Variants in RGPD1 observed in about 807,000 individuals in gnomAD.
RGPD1 encodes RANBP2 like and GRIP domain containing 1.
A neutral mutation model predicts 40.6 loss-of-function variants in RGPD1; 7 were observed. The ratio of observed to expected loss-of-function variants is 0.17; its 90% CI spans 0.10 to 0.32. The LOEUF is 0.32. Ranked by LOEUF, RGPD1 falls within the 10% of genes least tolerant of loss-of-function variation. The pLI is 1.00. For synonymous variants in RGPD1, 24 were observed against 167.0 expected (o/e 0.14, Z 6.60); for missense variants, 50 against 472.5 (o/e 0.11, Z 8.29).
rs1437208227 is a variant in RGPD1, at chr2:86,942,377, C to G, written c.72+69C>G. ...CGGCGGCCTCGACCTGGCCGGGCGG[C>G]GGCCTCGACCTGGCCGGGCGGCGGC... On this transcript the variant is annotated intron_variant, in intron 1 of 22. Coordinates refer to ENST00000641458, the MANE Select transcript of RGPD1 (RefSeq NM_001382344.1). The G allele has an allele frequency of 3.6e-6, 5 of 1,405,592 alleles. 1 individual carries two copies. The highest frequency in any genetic ancestry group is 1.3e-5 in the South Asian group (1 of 76,744). 87.1% of individuals were successfully genotyped at this position (1,405,592 alleles called of 1,614,324 possible). A position where few individuals can be genotyped will look rare whatever the true frequency, so the allele number is the denominator to read the frequency against.
At chr2:86,916,247 AGAAT>A (rs1677791060) in intron 1 of RGPD1, among the ~76,000 whole-genome samples, 1 of 152,290 alleles carries the variant, frequency 6.6e-6, no homozygotes, top group Non-Finnish European at 1.5e-5. Flanking sequence ...TACCAAAAAA[AGAAT>A]GGTGTAAATT....
At chr2:86,924,551 G>A (rs1425748198) in intron 1 of RGPD1, among the ~76,000 whole-genome samples, 5 of 150,272 alleles carry the variant, frequency 3.3e-5, no homozygotes, top group African/African-American at 1.2e-4. Flanking sequence ...CTGTAATCTC[G>A]AACTCATAGG....
At chr2:86,914,759 A>G (rs1255614122) in intron 1 of RGPD1, among the ~76,000 whole-genome samples, 2 of 14,070 alleles carry the variant, frequency 1.4e-4, no homozygotes, top group African/African-American at 8.5e-4. Context: ...GGCGGCCTCG[A>G]CCTGGCCGGG....
chr2:86,926,001 T>A (rs1326294773), intron 1 of RGPD1, among the ~76,000 whole-genome samples: 1 of 151,514 alleles, frequency 6.6e-6, no homozygotes, highest in African/African-American at 2.4e-5. Flanking sequence ...TATAAAATGT[T>A]ATTAATATAA....
At chr2:86,939,296 C>T (rs1414035559), upstream of RGPD1, among the ~76,000 whole-genome samples, 1 of 145,740 alleles carries the variant, frequency 6.9e-6, no homozygotes, top group Non-Finnish European at 1.5e-5. Context: ...TCTTTGGATG[C>T]TGGGCACGGT....
rs1340964505 is a variant in RGPD1 at position 86,947,611 on chromosome 2, T to C, written c.73-3685T>C. On this transcript the variant is annotated intron_variant, in intron 1 of 22. Transcript: ENST00000641458. ...CTTGTATTATTTCTTTGACCATTTC[T>C]TACCCTTTTTTTAATGATGTTTACC... 1.4e-4 allele frequency among the ~76,000 whole-genome samples: 17 copies of C among 120,364 alleles called. 6 individuals carry two copies. Among genetic ancestry groups the C allele is most frequent in the Non-Finnish European group, 3.1e-4 (17 of 55,430 alleles). 79.0% of individuals were successfully genotyped at this position (120,364 alleles called of 152,430 possible).
rs533982928 is a variant in RGPD1, at chr2:86,928,459, A to C, written c.72+14538A>C. Among the ~76,000 whole-genome samples, 22 of 152,254 alleles carry C rather than the reference A, an allele frequency of 1.4e-4. No homozygotes were observed. In the South Asian group the frequency reaches 4.6e-3, roughly 32 times the overall value. On this transcript the variant is annotated intron_variant, in intron 1 of 22. Transcript: ENST00000398193. ...GAGCTAATGGGGGATTAAACAGAGG[A>C]GGGACAGGATCCTCTATGGTATATG...
intron 1 of RGPD1, among the ~76,000 whole-genome samples, chr2:86,944,490 C>T (rs1260850317): frequency 5.9e-5 from 9 of 151,926 alleles, no homozygotes; most frequent in Non-Finnish European, 1.0e-4. Context: ...GCAACTTCCG[C>T]CTCCCCAGCT....
At chr2:86,919,455 G>A (rs1677976986) in intron 1 of RGPD1, among the ~76,000 whole-genome samples, 1 of 135,498 alleles carries the variant, frequency 7.4e-6, no homozygotes, top group South Asian at 2.5e-4. Context: ...TCAGAGTAAA[G>A]GCCATAGGCT....
chr2:87,000,310 T>C (rs894667126), intron 22 of RGPD1, among the ~76,000 whole-genome samples: 2 of 132,956 alleles, frequency 1.5e-5, no homozygotes, highest in Non-Finnish European at 1.5e-5. Flanking sequence ...CAGGTCTCTT[T>C]TAAAAGCTCA....
intron 21 of RGPD1, among the ~76,000 whole-genome samples, chr2:86,997,039 G>A (rs1681805298): frequency 6.8e-6 from 1 of 147,302 alleles, no homozygotes; most frequent in Non-Finnish European, 1.5e-5. Flanking sequence ...ATGATACCCT[G>A]TGCTTCTGAG....
chr2:86,954,785 T>C (rs1260531181), intron 4 of RGPD1, among the ~76,000 whole-genome samples: 1 of 150,366 alleles, frequency 6.7e-6, no homozygotes, highest in African/African-American at 2.4e-5. Context: ...TCTTTCATTT[T>C]ATCATGTGTA....
At chr2:86,954,693 G>A in intron 4 of RGPD1, among the ~76,000 whole-genome samples, 1 of 142,448 alleles carries the variant, frequency 7.0e-6, no homozygotes, top group Admixed American at 7.2e-5. Context: ...TTGGATAGGG[G>A]ATACTCAACC....
At chr2:86,924,179 A>G (rs1206084318) in intron 1 of RGPD1, among the ~76,000 whole-genome samples, 6 of 148,958 alleles carry the variant, frequency 4.0e-5, no homozygotes, top group Middle Eastern at 3.4e-3. Flanking sequence ...GGAGGGGGAC[A>G]GAGTCTTGCT....
chr2:86,918,575 T>C (rs1367941010), intron 1 of RGPD1, among the ~76,000 whole-genome samples: 1 of 144,200 alleles, frequency 6.9e-6, no homozygotes, highest in Non-Finnish European at 1.5e-5. Flanking sequence ...TTTTCCTGCC[T>C]CAGCCTCCCG....
rs542263944 is a variant in RGPD1, at chr2:86,936,077, C to T, written c.73-15219C>T. On this transcript the variant is annotated intron_variant, in intron 1 of 22. Transcript: ENST00000398193. ...TGGAGGTGCAGTGGCGCAATCTCGGCTCACTGCAAGCTCCACCTCCCGGGT... is the reference window on the plus strand; with the variant it reads ...TGGAGGTGCAGTGGCGCAATCTCGGTTCACTGCAAGCTCCACCTCCCGGGT... Among the ~76,000 whole-genome samples, 46 of 134,286 alleles carry T rather than the reference C, an allele frequency of 3.4e-4. 2 individuals are homozygous for T. Among genetic ancestry groups the T allele is most frequent in the Admixed American group, 2.8e-3 (39 of 13,730 alleles). 88.1% of individuals were successfully genotyped at this position (134,286 alleles called of 152,430 possible). A position where few individuals can be genotyped will look rare whatever the true frequency, so the allele number is the denominator to read the frequency against.
At chr2:86,930,637 T>C in intron 1 of RGPD1, 2 of 1,611,504 alleles carry the variant, frequency 1.2e-6, no homozygotes, top group Non-Finnish European at 1.7e-6. Context: ...CAGTGAACAC[T>C]CTCACAGAGG....
At chr2:86,998,301 G>A (rs1392084669) in intron 22 of RGPD1, among the ~76,000 whole-genome samples, 2 of 22,738 alleles carry the variant, frequency 8.8e-5, no homozygotes, top group African/African-American at 1.4e-4. Flanking sequence ...CGGATCACAA[G>A]ATCAAGATAC....
chr2:86,947,650 T>G (rs1445883500), intron 1 of RGPD1, among the ~76,000 whole-genome samples: 1 of 131,058 alleles, frequency 7.6e-6, no homozygotes, highest in Non-Finnish European at 1.7e-5. Flanking sequence ...AAGCTGGAGT[T>G]TCTCTAATTT....
Sources: gnomAD v4.1 joint callset for allele counts (sites outside exome capture counted in the v4.1 genomes callset) on GRCh38, gnomAD v4.1.1 for gene constraint, MANE v1.5 for transcripts, NCBI Gene and HGNC (gene_info 2026-07-23, HGNC 2026-07-21) for gene names.